PDLIM5: variants seen among roughly 807,000 people sequenced by gnomAD.
The protein encoded by PDLIM5 is PDZ and LIM domain 5.
PDLIM5 carries 34 observed loss-of-function variants against 64.2 expected under a neutral mutation model. The ratio of observed to expected loss-of-function variants is 0.53; its 90% confidence interval spans 0.40 to 0.71. The LOEUF (loss-of-function observed/expected upper bound fraction) is 0.71, where lower values mean the gene tolerates loss of function less well. Among genes scored for constraint, PDLIM5 ranks in the 30% least tolerant of loss-of-function variants. The pLI is 0.00. For synonymous variants in PDLIM5, 253 were observed against 269.1 expected (o/e 0.94, Z 0.59); for missense variants, 683 against 733.6 (o/e 0.93, Z 0.80).
chr4:94,463,457 A>G (rs1198265576), intron 2 of PDLIM5, among the ~76,000 whole-genome samples: 1 of 152,258 alleles, frequency 6.6e-6, no homozygotes, highest in Non-Finnish European at 1.5e-5. Context: ...ATTTAAAAAT[A>G]AGGAAGAGAA....
chr4:94,509,711 A>C (rs1477551669), intron 2 of PDLIM5, among the ~76,000 whole-genome samples: 1 of 152,200 alleles, frequency 6.6e-6, no homozygotes, highest in African/African-American at 2.4e-5. Context: ...AAACTGAAGA[A>C]CTTGGAGTCC....
intron 2 of PDLIM5, among the ~76,000 whole-genome samples, chr4:94,511,105 A>G (rs540890489): frequency 6.6e-6 from 1 of 152,318 alleles, no homozygotes; most frequent in African/African-American, 2.4e-5. Flanking sequence ...GGCCAGAGAT[A>G]TAATTGGCTT....
At chr4:94,645,810 C>T (rs1741368450) in intron 9 of PDLIM5, among the ~76,000 whole-genome samples, 1 of 152,134 alleles carries the variant, frequency 6.6e-6, no homozygotes, top group African/African-American at 2.4e-5. Flanking sequence ...AATGAATATA[C>T]ACACAATGAT....
chr4:94,612,583 GCTAT>G (rs1186413861), intron 7 of PDLIM5, among the ~76,000 whole-genome samples: 2 of 152,184 alleles, frequency 1.3e-5, no homozygotes, highest in Non-Finnish European at 2.9e-5. Flanking sequence ...GACTGACTGT[GCTAT>G]CTATGGCCCC....
intron 6 of PDLIM5, among the ~76,000 whole-genome samples, chr4:94,585,965 T>A (rs1736161025): frequency 6.6e-6 from 1 of 151,864 alleles, no homozygotes. Flanking sequence ...AGGTCATGAG[T>A]TCGAGACCAG....
chr4:94,609,240 G>C (rs903493989), intron 7 of PDLIM5, among the ~76,000 whole-genome samples: 1 of 152,154 alleles, frequency 6.6e-6, no homozygotes, highest in African/African-American at 2.4e-5. Flanking sequence ...CTGTAGTGAT[G>C]ATGCTCATTG....
intron 8 of PDLIM5, among the ~76,000 whole-genome samples, chr4:94,621,427 A>G (rs1304539435): frequency 6.6e-6 from 1 of 152,230 alleles, no homozygotes; most frequent in African/African-American, 2.4e-5. Context: ...ATTTGAATAC[A>G]GAAAGTAATT....
chr4:94,570,881 G>C (rs1457955029), intron 3 of PDLIM5, among the ~76,000 whole-genome samples: 1 of 152,136 alleles, frequency 6.6e-6, no homozygotes, highest in Non-Finnish European at 1.5e-5. Context: ...TTGTTTACGA[G>C]TTAAGTATAT....
chr4:94,473,384 C>A (rs569266498), intron 2 of PDLIM5, among the ~76,000 whole-genome samples: 9 of 152,298 alleles, frequency 5.9e-5, no homozygotes, highest in Admixed American at 1.3e-4. Flanking sequence ...GCCTCAGCCT[C>A]CCAAGTAGCT....
At chr4:94,521,628 G>A (rs1457498247) in intron 2 of PDLIM5, among the ~76,000 whole-genome samples, 1 of 150,722 alleles carries the variant, frequency 6.6e-6, no homozygotes, top group Non-Finnish European at 1.5e-5. Flanking sequence ...TATGTAAAGG[G>A]AGCAGAATAA....
chr4:94,656,022 G>A (rs1207967675), intron 10 of PDLIM5, among the ~76,000 whole-genome samples: 1 of 151,946 alleles, frequency 6.6e-6, no homozygotes, highest in Non-Finnish European at 1.5e-5. Flanking sequence ...CAATTTCTAT[G>A]GCTAATAAGT....
At chr4:94,460,848 G>A (rs1723814245) in intron 2 of PDLIM5, among the ~76,000 whole-genome samples, 1 of 152,002 alleles carries the variant, frequency 6.6e-6, no homozygotes, top group South Asian at 2.1e-4. Flanking sequence ...TTGATGTATG[G>A]GAAATGCTTT....
intron 2 of PDLIM5, chr4:94,455,955 A>T: frequency 2.7e-6 from 4 of 1,501,068 alleles, no homozygotes; most frequent in Non-Finnish European, 3.6e-6. Flanking sequence ...CTCATTATGG[A>T]TTTAGTTTGA....
At chr4:94,584,206 C>T (rs1323268981) in intron 5 of PDLIM5, among the ~76,000 whole-genome samples, 1 of 152,138 alleles carries the variant, frequency 6.6e-6, no homozygotes, top group East Asian at 1.9e-4. Flanking sequence ...GTATCTTGTG[C>T]CAGTAGTCTG....
At chr4:94,576,142 G>A in intron 5 of PDLIM5, 108 bp downstream of exon 5, 1 of 884,926 alleles carries the variant, frequency 1.1e-6, no homozygotes, top group Non-Finnish European at 1.8e-6. Context: ...TTGAAGGAAG[G>A]GAGATGAAGT....
intron 3 of PDLIM5, among the ~76,000 whole-genome samples, chr4:94,550,947 G>C (rs892229576): frequency 6.6e-6 from 1 of 151,984 alleles, no homozygotes; most frequent in African/African-American, 2.4e-5. Flanking sequence ...AGAAGTAAGA[G>C]AATAGGAAAA....
chr4:94,568,885 A>G (rs1734567865), intron 3 of PDLIM5, among the ~76,000 whole-genome samples: 1 of 152,222 alleles, frequency 6.6e-6, no homozygotes, highest in Non-Finnish European at 1.5e-5. Flanking sequence ...CTTTGTTGGA[A>G]TACTTTAGAA....
At position 94,666,115 on chromosome 4, in the gene PDLIM5, TC is replaced by T; in HGVS notation, c.*2050del. ...TAGTCGAGACAGAGCCCTAGGTCCT[TC>T]CTGCCCCATCACTCACTTACGACAT... On this transcript the variant is annotated 3_prime_UTR_variant, in exon 13 of 13. Coordinates refer to ENST00000317968, the MANE Select transcript of PDLIM5 (RefSeq NM_006457.5). The T allele has an allele frequency of 9.9e-7, 1 of 1,010,982 alleles. No individual in the cohort carries two copies. The highest frequency in any genetic ancestry group is 2.6e-5 in the East Asian group (1 of 38,056). The allele number at this position is 1,010,982 out of a possible 1,614,324, so 62.6% of individuals were successfully genotyped here. A position where few individuals can be genotyped will look rare whatever the true frequency, so the allele number is the denominator to read the frequency against.
chr4:94,456,569 G>C (rs1444704229), intron 2 of PDLIM5: 4 of 709,422 alleles, frequency 5.6e-6, no homozygotes, highest in Non-Finnish European at 1.0e-5. Flanking sequence ...TATATAAGGA[G>C]GTATGTGTGT....
Sources: gnomAD v4.1 joint callset for allele counts (sites outside exome capture counted in the v4.1 genomes callset) on GRCh38, gnomAD v4.1.1 for gene constraint, MANE v1.5 for transcripts, NCBI Gene and HGNC (gene_info 2026-07-23, HGNC 2026-07-21) for gene names.